The following XKR4 variants were observed in gnomAD, a reference collection of about 807,000 sequenced individuals.
XKR4 encodes the protein XK-related protein 4.
XKR4 carries 12 observed loss-of-function variants against 53.9 expected under a neutral mutation model. The observed-to-expected ratio is 0.22, with a 90% CI of 0.14 to 0.36. The LOEUF (loss-of-function observed/expected upper bound fraction) is 0.36, where lower values mean the gene tolerates loss of function less well. XKR4 is among the 10% of genes least tolerant of loss of function. The pLI, the probability that XKR4 is intolerant of heterozygous loss-of-function variation, is 1.00. For missense variants in XKR4, 799 were observed against 859.5 expected (o/e 0.93, Z 0.88); for synonymous variants, 354 against 362.4 (o/e 0.98, Z 0.26).
At chr8:55,133,194 A>G (rs373472573) in intron 1 of XKR4, among the ~76,000 whole-genome samples, 218 of 152,376 alleles carry the variant, frequency 1.4e-3, no homozygotes, top group African/African-American at 4.3e-3. Context: ...AAACTTATGG[A>G]AAAGCAGATA....
intron 1 of XKR4, among the ~76,000 whole-genome samples, chr8:55,284,010 G>A (rs915788599): frequency 6.6e-6 from 1 of 152,202 alleles, no homozygotes; most frequent in African/African-American, 2.4e-5. Context: ...GATCACAGAA[G>A]TCTAATATAA....
intron 1 of XKR4, among the ~76,000 whole-genome samples, chr8:55,211,189 T>A (rs1817724913): frequency 6.6e-6 from 1 of 152,234 alleles, no homozygotes; most frequent in Admixed American, 6.5e-5. Context: ...ATTGTGTTCT[T>A]AAACTATTAG....
intron 2 of XKR4, among the ~76,000 whole-genome samples, chr8:55,481,721 A>C (rs952654471): frequency 2.0e-5 from 3 of 152,210 alleles, no homozygotes; most frequent in African/African-American, 7.2e-5. Flanking sequence ...CAACCCCATC[A>C]AAAAGTGGGC....
At chr8:55,263,699 A>G (rs1818560923) in intron 1 of XKR4, among the ~76,000 whole-genome samples, 1 of 152,112 alleles carries the variant, frequency 6.6e-6, no homozygotes, top group Non-Finnish European at 1.5e-5. Context: ...TGAGCTATGA[A>G]TTTCTTTCTT....
chr8:55,389,481 G>A (rs112796631), intron 2 of XKR4, among the ~76,000 whole-genome samples: 2,420 of 152,180 alleles, frequency 0.016, 29 homozygotes, highest in Middle Eastern at 0.037. Flanking sequence ...ACTGGCTAAT[G>A]GATTATATTT....
At chr8:55,483,038 T>C (rs1208154881) in intron 2 of XKR4, among the ~76,000 whole-genome samples, 2 of 152,182 alleles carry the variant, frequency 1.3e-5, no homozygotes, top group Admixed American at 1.3e-4. Context: ...TAAATGAATA[T>C]GAGTGCAAAT....
chr8:55,342,794 T>C (rs1803575443), intron 1 of XKR4, among the ~76,000 whole-genome samples: 1 of 152,192 alleles, frequency 6.6e-6, no homozygotes. Context: ...TTACTTTCCT[T>C]CCTGTCTTAC....
chr8:55,399,279 A>G (rs1804564121), intron 2 of XKR4, among the ~76,000 whole-genome samples: 1 of 152,212 alleles, frequency 6.6e-6, no homozygotes. Context: ...CATGTACAGA[A>G]GATGAATGTC....
chr8:55,186,639 G>A (rs1817382565), intron 1 of XKR4, among the ~76,000 whole-genome samples: 2 of 152,144 alleles, frequency 1.3e-5, no homozygotes, highest in African/African-American at 4.8e-5. Flanking sequence ...CTGGGGGACA[G>A]AGTGAGACTC....
At chr8:55,224,408 A>G (rs1687048982) in intron 1 of XKR4, among the ~76,000 whole-genome samples, 1 of 152,226 alleles carries the variant, frequency 6.6e-6, no homozygotes, top group Non-Finnish European at 1.5e-5. Context: ...TTAAGATAGA[A>G]AATTAAATGA....
At chr8:55,376,829 A>G (rs1314690275) in intron 2 of XKR4, among the ~76,000 whole-genome samples, 1 of 151,942 alleles carries the variant, frequency 6.6e-6, no homozygotes, top group African/African-American at 2.4e-5. Context: ...CTAATAAATG[A>G]GTCATCAAAA....
chr8:55,169,619 A>G (rs1200956809), intron 1 of XKR4, among the ~76,000 whole-genome samples: 1 of 152,220 alleles, frequency 6.6e-6, no homozygotes, highest in Non-Finnish European at 1.5e-5. Context: ...GGATCAGGAC[A>G]GTCCTTTCTC....
intron 2 of XKR4, among the ~76,000 whole-genome samples, chr8:55,417,450 A>G (rs1804867280): frequency 6.6e-6 from 1 of 152,342 alleles, no homozygotes; most frequent in East Asian, 1.9e-4. Flanking sequence ...AGTTGCATAT[A>G]GTTGCTTAGA....
intron 1 of XKR4, among the ~76,000 whole-genome samples, chr8:55,220,423 G>A (rs1261074393): frequency 1.3e-5 from 2 of 152,192 alleles, no homozygotes; most frequent in Non-Finnish European, 2.9e-5. Flanking sequence ...CAATGAAAGT[G>A]AACATAAATA....
rs894691886 is a variant in XKR4, at chr8:55,254,178, A to C, written c.807-103500A>C. ...TTTCTTCTTATGTTGTGTCAAAAAG[A>C]AAGAGAGAGATATATATAGAGAGAG... On this transcript the variant is annotated intron_variant, in intron 1 of 2. Transcript: ENST00000327381. 8.5e-5 allele frequency among the ~76,000 whole-genome samples: 13 copies of C among 152,214 alleles called. 1 individual carries two copies. The highest frequency in any genetic ancestry group is 7.8e-4 in the Admixed American group (12 of 15,288).
intron 1 of XKR4, among the ~76,000 whole-genome samples, chr8:55,208,894 A>G (rs1009203689): frequency 6.6e-6 from 1 of 152,212 alleles, no homozygotes; most frequent in South Asian, 2.1e-4. Flanking sequence ...GTCCCAAGCT[A>G]ATAAGTAAAA....
intron 1 of XKR4, among the ~76,000 whole-genome samples, chr8:55,184,332 A>G (rs1585925264): frequency 1.3e-5 from 2 of 152,280 alleles, no homozygotes; most frequent in East Asian, 1.9e-4. Context: ...GATACTTTCA[A>G]CATCTCTAAG....
intron 2 of XKR4, among the ~76,000 whole-genome samples, chr8:55,366,643 A>G (rs1238579384): frequency 1.3e-5 from 2 of 152,246 alleles, no homozygotes; most frequent in East Asian, 3.9e-4. Flanking sequence ...TCTTAACCTG[A>G]TTTCAGTAAG....
intron 2 of XKR4, among the ~76,000 whole-genome samples, chr8:55,518,850 C>T (rs992434288): frequency 6.6e-6 from 1 of 151,870 alleles, no homozygotes; most frequent in African/African-American, 2.4e-5. Flanking sequence ...AATGGGGCAA[C>T]AAGAAACAAC....
Sources: gnomAD v4.1 joint callset for allele counts (sites outside exome capture counted in the v4.1 genomes callset) on GRCh38, gnomAD v4.1.1 for gene constraint, MANE v1.5 for transcripts, NCBI Gene and HGNC (gene_info 2026-07-23, HGNC 2026-07-21) for gene names.